The following AKAP13 variants were observed in gnomAD, a reference collection of about 807,000 sequenced individuals.
AKAP13 encodes A-kinase anchor protein 13.
Under a neutral mutation model 264.5 loss-of-function variants are expected in AKAP13, and 80 were observed. That is an observed-to-expected ratio of 0.30 (90% CI 0.25 to 0.36). AKAP13 has a LOEUF of 0.36. Ranked by LOEUF, AKAP13 falls within the 10% of genes least tolerant of loss-of-function variation. The pLI is 1.00. For synonymous variants in AKAP13, 1,380 were observed against 1,250.2 expected (o/e 1.10, Z -2.19); for missense variants, 3,712 against 3,435.2 (o/e 1.08, Z -2.01).
intron 8 of AKAP13, among the ~76,000 whole-genome samples, chr15:85,588,848 A>G (rs746281116): frequency 1.1e-4 from 17 of 152,172 alleles, no homozygotes; most frequent in Non-Finnish European, 2.5e-4. Flanking sequence ...TTCCTCCTTG[A>G]CTCAAGAAAC....
At chr15:85,489,779 A>G (rs1038598330) in intron 2 of AKAP13, among the ~76,000 whole-genome samples, 2 of 152,234 alleles carry the variant, frequency 1.3e-5, no homozygotes, top group Non-Finnish European at 2.9e-5. Context: ...ATACGTTGCA[A>G]TAGTTAAAAA....
At chr15:85,565,041 A>G (rs2078552902) in intron 5 of AKAP13, among the ~76,000 whole-genome samples, 1 of 152,184 alleles carries the variant, frequency 6.6e-6, no homozygotes, top group Admixed American at 6.5e-5. Flanking sequence ...TGACAGGAAG[A>G]TTGAAAATTT....
intron 5 of AKAP13, among the ~76,000 whole-genome samples, chr15:85,558,331 CTG>C (rs978735650): frequency 2.0e-5 from 3 of 152,174 alleles, no homozygotes; most frequent in Non-Finnish European, 2.9e-5. Flanking sequence ...ATTAATGTAA[CTG>C]TTTTTAAATA....
intron 1 of AKAP13, among the ~76,000 whole-genome samples, chr15:85,420,376 T>C (rs2072469048): frequency 6.6e-6 from 1 of 152,154 alleles, no homozygotes; most frequent in African/African-American, 2.4e-5. Context: ...TGACTTTGGA[T>C]AGGATTGATG....
At chr15:85,447,763 G>T (rs1344054677) in intron 1 of AKAP13, among the ~76,000 whole-genome samples, 1 of 152,268 alleles carries the variant, frequency 6.6e-6, no homozygotes, top group South Asian at 2.1e-4. Context: ...TCTTTATCCA[G>T]TCTGTCATTG....
chr15:85,698,485 A>G (rs1281857071), intron 17 of AKAP13, among the ~76,000 whole-genome samples: 5 of 133,824 alleles, frequency 3.7e-5, no homozygotes, highest in African/African-American at 8.2e-5. Context: ...AAAAAAAAGG[A>G]GAGAGAGAAT....
At chr15:85,456,708 G>A (rs1054578252) in intron 1 of AKAP13, among the ~76,000 whole-genome samples, 11 of 151,808 alleles carry the variant, frequency 7.2e-5, no homozygotes, top group Admixed American at 2.0e-4. Flanking sequence ...CCGCCACCAC[G>A]CTTGGCTAAT....
At chr15:85,543,615 C>G (rs1413320429) in intron 4 of AKAP13, among the ~76,000 whole-genome samples, 157 bp from the exon 5 acceptor site, 1 of 152,168 alleles carries the variant, frequency 6.6e-6, no homozygotes, top group Non-Finnish European at 1.5e-5. Flanking sequence ...CTGATTCTAC[C>G]TGGCCACAAT....
chr15:85,599,445 A>AGG (rs889465801), intron 8 of AKAP13, among the ~76,000 whole-genome samples: 1 of 152,112 alleles, frequency 6.6e-6, no homozygotes, highest in African/African-American at 2.4e-5. Flanking sequence ...TAGCCACTGG[A>AGG]GGGTCTTAAG....
intron 8 of AKAP13, among the ~76,000 whole-genome samples, chr15:85,627,968 T>C (rs1271008760): frequency 1.3e-5 from 2 of 152,236 alleles, no homozygotes; most frequent in African/African-American, 2.4e-5. Context: ...ACCAACGCTT[T>C]TGTTGAGCTT....
At chr15:85,472,142 A>G (rs1226757419) in intron 1 of AKAP13, among the ~76,000 whole-genome samples, 2 of 152,040 alleles carry the variant, frequency 1.3e-5, no homozygotes, top group Non-Finnish European at 1.5e-5. Context: ...TTGTTTAACA[A>G]TGCTATGGTG....
intron 3 of AKAP13, among the ~76,000 whole-genome samples, chr15:85,527,671 C>T (rs2077118124): frequency 6.6e-6 from 1 of 152,122 alleles, no homozygotes; most frequent in Non-Finnish European, 1.5e-5. Context: ...TTAAATACTC[C>T]TGTACACATA....
intron 14 of AKAP13, among the ~76,000 whole-genome samples, chr15:85,674,627 A>G (rs1163017502): frequency 1.3e-5 from 2 of 152,188 alleles, no homozygotes; most frequent in Non-Finnish European, 2.9e-5. Context: ...GCATTAGACT[A>G]TGACAGCTAA....
chr15:85,584,632 T>C (rs2079264002), intron 7 of AKAP13, among the ~76,000 whole-genome samples: 1 of 152,226 alleles, frequency 6.6e-6, no homozygotes, highest in African/African-American at 2.4e-5. Context: ...TATATAATTA[T>C]AAGGTCAAAG....
In AKAP13 at chr15:85,580,736, A is replaced by G. The variant is rs753221850; in HGVS notation, c.2668A>G (p.Thr890Ala). 30 of 1,614,140 alleles carry G rather than the reference A, an allele frequency of 1.9e-5. No individual in the cohort carries two copies. In the East Asian group the frequency reaches 5.8e-4, roughly 31 times the overall value. Reference protein sequence around the residue: ...IPEALNIKGNTDSSLQSVGKA... With the variant: ...IPEALNIKGNADSSLQSVGKA... Reference sequence around the variant, plus strand: ...AGAAGCTCTGAATATCAAGGGGAACACTGACTCTTCCCTGCAAAGTGTGGG... The same window carrying G: ...AGAAGCTCTGAATATCAAGGGGAACGCTGACTCTTCCCTGCAAAGTGTGGG... The change falls in exon 7 of 37, where the codon ACT (threonine) becomes GCT (alanine). Residue 890 changes from threonine (T) to alanine (A), a missense_variant. Coordinates refer to ENST00000394518, the MANE Select transcript of AKAP13 (RefSeq NM_007200.5).
At chr15:85,451,627 C>T (rs771679542) in intron 1 of AKAP13, among the ~76,000 whole-genome samples, 88 of 152,274 alleles carry the variant, frequency 5.8e-4, no homozygotes, top group African/African-American at 1.9e-3. Flanking sequence ...TCTTTTGCTT[C>T]GGAAGTTTAG....
chr15:85,712,709 A>T (rs974427877), intron 19 of AKAP13, among the ~76,000 whole-genome samples: 3 of 152,054 alleles, frequency 2.0e-5, no homozygotes, highest in Admixed American at 1.3e-4. Flanking sequence ...ACACCCAGCT[A>T]ATTTTTGTAT....
chr15:85,707,173 C>T (rs191018087), intron 17 of AKAP13, among the ~76,000 whole-genome samples: 2 of 152,296 alleles, frequency 1.3e-5, no homozygotes, highest in African/African-American at 4.8e-5. Flanking sequence ...TCATTTGTTT[C>T]TGCTTTACCT....
chr15:85,645,736 G>T, intron 9 of AKAP13, 82 bp from the exon 10 acceptor site: 1 of 1,411,464 alleles, frequency 7.1e-7, no homozygotes, highest in Non-Finnish European at 9.5e-7. Flanking sequence ...GGTTGCTGGG[G>T]TGAAAAGGAA....
Sources: gnomAD v4.1 joint callset for allele counts (sites outside exome capture counted in the v4.1 genomes callset) on GRCh38, gnomAD v4.1.1 for gene constraint, MANE v1.5 for transcripts, NCBI Gene and HGNC (gene_info 2026-07-23, HGNC 2026-07-21) for gene names.